Variants in COL4A1 observed in about 807,000 individuals in gnomAD.
COL4A1 encodes the protein collagen type IV alpha 1 chain.
A neutral mutation model predicts 216.6 loss-of-function variants in COL4A1; 40 were observed. The observed-to-expected ratio is 0.18, with a 90% CI of 0.14 to 0.24. The LOEUF (loss-of-function observed/expected upper bound fraction) is 0.24. Among genes scored for constraint, COL4A1 ranks in the 10% least tolerant of loss-of-function variants. The pLI, the probability that COL4A1 is intolerant of heterozygous loss-of-function variation, is 1.00. For synonymous variants in COL4A1, 839 were observed against 810.7 expected (o/e 1.03, Z -0.59); for missense variants, 1,628 against 2,196.8 (o/e 0.74, Z 5.18).
At chr13:110,237,577 G>A (rs918538262) in intron 2 of COL4A1, among the ~76,000 whole-genome samples, 12 of 152,174 alleles carry the variant, frequency 7.9e-5, no homozygotes, top group Admixed American at 2.6e-4. Context: ...GAAAAAGCCC[G>A]GGCTGGTTGG....
intron 1 of COL4A1, among the ~76,000 whole-genome samples, chr13:110,274,051 T>C (rs2139292743): frequency 6.6e-6 from 1 of 152,330 alleles, no homozygotes; most frequent in East Asian, 1.9e-4. Flanking sequence ...ATTGTGCATT[T>C]GCTTATTTTT....
intron 22 of COL4A1, 61 bp downstream of exon 22, chr13:110,194,962 T>A: frequency 6.8e-7 from 1 of 1,469,350 alleles, no homozygotes; most frequent in Non-Finnish European, 9.5e-7. Context: ...CCGGTAAGTA[T>A]GTGGGAAAAA....
intron 2 of COL4A1, among the ~76,000 whole-genome samples, chr13:110,217,408 G>C (rs1467779471): frequency 6.6e-6 from 1 of 152,156 alleles, no homozygotes; most frequent in South Asian, 2.1e-4. Flanking sequence ...GGAGCTCAAG[G>C]CAGAATGTGC....
intron 22 of COL4A1, among the ~76,000 whole-genome samples, chr13:110,194,788 G>A (rs1346598529): frequency 6.6e-6 from 1 of 152,174 alleles, no homozygotes; most frequent in Non-Finnish European, 1.5e-5. Context: ...TCCTCGGAAA[G>A]GGAGAAGGGG....
chr13:110,295,255 T>C (rs1884225803), intron 1 of COL4A1, among the ~76,000 whole-genome samples: 1 of 139,744 alleles, frequency 7.2e-6, no homozygotes, highest in South Asian at 2.4e-4. Context: ...GTTTTCTTTC[T>C]TTCTTTTTTT....
rs905083664 is a variant in COL4A1 at position 110,222,722 on chromosome 13, G to A, written c.145-8707C>T. 1.5e-4 allele frequency among the ~76,000 whole-genome samples: 20 copies of A among 133,908 alleles called. 1 individual carries two copies. Among genetic ancestry groups the A allele is most frequent in the African/African-American group, 5.0e-4 (18 of 35,742 alleles). The allele number at this position is 133,908 out of a possible 152,430, so 87.8% of individuals were successfully genotyped here. A position where few individuals can be genotyped will look rare whatever the true frequency, so the allele number is the denominator to read the frequency against. On this transcript the variant is annotated intron_variant, in intron 2 of 51. Transcript: ENST00000375820. ...AGGGAGGCAGAGCTTGCAGTGAGCC[G>A]AGATCGTGCCACTGCACTCCAGCCT... is the stretch of plus-strand genomic sequence containing the variant.
At chr13:110,192,777 G>T in intron 23 of COL4A1, 53 bp downstream of exon 23, 1 of 1,494,094 alleles carries the variant, frequency 6.7e-7, no homozygotes, top group Non-Finnish European at 9.3e-7. Flanking sequence ...CAGGAAAGAT[G>T]CCAACACACC....
At chr13:110,247,827 GT>G (rs2139252692) in intron 1 of COL4A1, among the ~76,000 whole-genome samples, 2 of 131,452 alleles carry the variant, frequency 1.5e-5, no homozygotes, top group African/African-American at 5.7e-5. Flanking sequence ...GTGTGTGTGT[GT>G]GTGTGTGGCA....
chr13:110,227,931 C>T (rs1284213511), intron 2 of COL4A1, among the ~76,000 whole-genome samples: 1 of 152,210 alleles, frequency 6.6e-6, no homozygotes. Context: ...GATCCCAGAG[C>T]CCTTCCTGGT....
chr13:110,162,884 G>A (rs1295106268), intron 47 of COL4A1, among the ~76,000 whole-genome samples: 1 of 152,356 alleles, frequency 6.6e-6, no homozygotes, highest in East Asian at 1.9e-4. Flanking sequence ...TTCCTCCATA[G>A]CAGCCCAAAG....
At chr13:110,177,995 T>G (rs1289384332) in intron 32 of COL4A1, 64 bp from the exon 33 acceptor site, 15 of 1,613,658 alleles carry the variant, frequency 9.3e-6, no homozygotes, top group Non-Finnish European at 1.3e-5. Context: ...AAATGCTGAG[T>G]CATAAAAAGA....
At chr13:110,264,139 A>G (rs1236774199) in intron 1 of COL4A1, among the ~76,000 whole-genome samples, 1 of 152,128 alleles carries the variant, frequency 6.6e-6, no homozygotes, top group African/African-American at 2.4e-5. Flanking sequence ...TGAAGGCTGA[A>G]CGGGGAGGAG....
chr13:110,260,962 G>A (rs1442602004), intron 1 of COL4A1, among the ~76,000 whole-genome samples: 3 of 139,678 alleles, frequency 2.1e-5, no homozygotes, highest in East Asian at 2.3e-4. Flanking sequence ...GCGTGAACCC[G>A]AGAAGTGGAG....
In COL4A1 at chr13:110,183,111, G is replaced by C; in HGVS notation, c.1991-14C>G. On this transcript the variant is annotated splice_polypyrimidine_tract_variant and intron_variant, in intron 27 of 51. Coordinates refer to ENST00000375820, the MANE Select transcript of COL4A1 (RefSeq NM_001845.6). Reference sequence around the variant, plus strand: ...AGCCTCGGTCTCCTGTGGTGAGAAAGACCAACAGTCAGCGTGAGAAAAACG... The same window carrying C: ...AGCCTCGGTCTCCTGTGGTGAGAAACACCAACAGTCAGCGTGAGAAAAACG... 2 of 1,612,562 alleles carry C rather than the reference G, an allele frequency of 1.2e-6. No individual in the cohort carries two copies. The highest frequency in any genetic ancestry group is 1.1e-5 in the South Asian group (1 of 90,704).
At chr13:110,249,567 G>A (rs968348620) in intron 1 of COL4A1, among the ~76,000 whole-genome samples, 31 of 152,116 alleles carry the variant, frequency 2.0e-4, no homozygotes, top group African/African-American at 2.9e-4. Flanking sequence ...ACAAGATGAC[G>A]TTGGATCCTG....
Position 110,242,741 on chromosome 13 carries a change from G to A in COL4A1, c.85-7C>T, listed in dbSNP as rs1049817298. 5 of 1,614,016 alleles carry A rather than the reference G, an allele frequency of 3.1e-6. No homozygotes were observed. The Admixed American group carries it at 6.7e-5, about 22-fold the overall frequency. ...CAGAGCCAGCACAGCCACCCTGGAA[G>A]GAAAAGAAAACTTCTTTAAATAGAA... On this transcript the variant is annotated splice_region_variant and splice_polypyrimidine_tract_variant and intron_variant, in intron 1 of 51. Coordinates refer to ENST00000375820, the MANE Select transcript of COL4A1 (RefSeq NM_001845.6).
In COL4A1 at chr13:110,227,427, A is replaced by ACACACACAC. The variant is rs1555308840; in HGVS notation, c.145-13413_145-13412insGTGTGTGTG. ...ACACACACACACACACACACACACA[A>ACACACACAC]ACACACACAAACACAGAATCAGAAA... On this transcript the variant is annotated intron_variant, in intron 2 of 51. Transcript: ENST00000375820. Among the ~76,000 whole-genome samples, 102 of 130,498 alleles carry ACACACACAC rather than the reference A, an allele frequency of 7.8e-4. 1 individual carries two copies. Among genetic ancestry groups the ACACACACAC allele is most frequent in the Non-Finnish European group, 7.2e-4 (44 of 61,040 alleles). The allele number at this position is 130,498 out of a possible 152,430, so 85.6% of individuals were successfully genotyped here.
chr13:110,295,607 G>A (rs1274897351), intron 1 of COL4A1, among the ~76,000 whole-genome samples: 1 of 151,804 alleles, frequency 6.6e-6, no homozygotes, highest in Non-Finnish European at 1.5e-5. Flanking sequence ...TGTATTTTTA[G>A]TAGAGACAAG....
At chr13:110,186,798 T>A (rs117675574) in intron 25 of COL4A1, among the ~76,000 whole-genome samples, 238 of 152,302 alleles carry the variant, frequency 1.6e-3, no homozygotes, top group Non-Finnish European at 2.2e-3. Flanking sequence ...GAATGAGATG[T>A]TGATACCTGG....
Sources: gnomAD v4.1 joint callset for allele counts (sites outside exome capture counted in the v4.1 genomes callset) on GRCh38, gnomAD v4.1.1 for gene constraint, MANE v1.5 for transcripts, NCBI Gene and HGNC (gene_info 2026-07-23, HGNC 2026-07-21) for gene names.